ATP9B: variants seen among roughly 807,000 people sequenced by gnomAD.
The protein encoded by ATP9B is probable phospholipid-transporting ATPase IIB.
In ATP9B, 110 loss-of-function variants were observed where a neutral mutation model predicts 146.1. That is an observed-to-expected ratio of 0.75 (90% CI 0.65 to 0.88). The LOEUF (loss-of-function observed/expected upper bound fraction) is 0.88, where lower values mean the gene tolerates loss of function less well. Among genes scored for constraint, ATP9B ranks in the 40% least tolerant of loss-of-function variants. The pLI is 0.00. For synonymous variants in ATP9B, 604 were observed against 569.7 expected (o/e 1.06, Z -0.86); for missense variants, 1,499 against 1,496.4 (o/e 1.00, Z -0.03).
At chr18:79,371,123 C>T (rs1240579188) in intron 26 of ATP9B, among the ~76,000 whole-genome samples, 3 of 152,122 alleles carry the variant, frequency 2.0e-5, no homozygotes, top group African/African-American at 7.2e-5. Context: ...CCTGTAATCC[C>T]AGCACTTTGG....
chr18:79,292,656 G>A (rs114900498), intron 13 of ATP9B, among the ~76,000 whole-genome samples: 1,223 of 120,686 alleles, frequency 0.01, 25 homozygotes, highest in African/African-American at 0.041. Context: ...CTTGCAACTC[G>A]TGATTTCTTC....
At chr18:79,187,622 G>A (rs537417377) in intron 8 of ATP9B, among the ~76,000 whole-genome samples, 6 of 152,290 alleles carry the variant, frequency 3.9e-5, no homozygotes, top group African/African-American at 1.4e-4. Flanking sequence ...TTCCCGTTGA[G>A]TGTCTGATTC....
At chr18:79,175,998 C>T (rs187842326) in intron 7 of ATP9B, among the ~76,000 whole-genome samples, 7 of 152,312 alleles carry the variant, frequency 4.6e-5, no homozygotes, top group African/African-American at 1.2e-4. Flanking sequence ...ATATAATGTC[C>T]TGCACCTTAC....
At chr18:79,289,065 A>C (rs934905516) in intron 13 of ATP9B, among the ~76,000 whole-genome samples, 1 of 151,600 alleles carries the variant, frequency 6.6e-6, no homozygotes, top group East Asian at 1.9e-4. Flanking sequence ...CTTCATTTCA[A>C]CTTTGGTGAA....
At chr18:79,291,196 T>G (rs1362831118) in intron 13 of ATP9B, among the ~76,000 whole-genome samples, 1 of 152,118 alleles carries the variant, frequency 6.6e-6, no homozygotes, top group Non-Finnish European at 1.5e-5. Flanking sequence ...ATCAGAAACC[T>G]TTTGTCAAAA....
chr18:79,270,351 G>A (rs1196773953), intron 12 of ATP9B, among the ~76,000 whole-genome samples: 1 of 151,856 alleles, frequency 6.6e-6, no homozygotes, highest in Non-Finnish European at 1.5e-5. Context: ...GTATATGTTT[G>A]TACTGCTATA....
At chr18:79,370,712 AT>A (rs2097064331) in intron 26 of ATP9B, among the ~76,000 whole-genome samples, 7 of 152,168 alleles carry the variant, frequency 4.6e-5, no homozygotes, top group Admixed American at 2.6e-4. Context: ...ATCTGCTTCA[AT>A]ATGGAACACC....
intron 15 of ATP9B, among the ~76,000 whole-genome samples, chr18:79,311,218 C>T (rs1041263491): frequency 1.3e-5 from 2 of 152,210 alleles, no homozygotes; most frequent in Non-Finnish European, 2.9e-5. Flanking sequence ...TAAAAGGTTA[C>T]ACCCCACAAT....
chr18:79,285,907 T>C (rs2096434598), intron 13 of ATP9B, among the ~76,000 whole-genome samples: 1 of 150,760 alleles, frequency 6.6e-6, no homozygotes, highest in Admixed American at 6.6e-5. Flanking sequence ...TTCTCAGGTT[T>C]GTCAAAGATC....
At chr18:79,083,756 C>T (rs1368016422) in intron 1 of ATP9B, among the ~76,000 whole-genome samples, 1 of 152,112 alleles carries the variant, frequency 6.6e-6, no homozygotes, top group African/African-American at 2.4e-5. Flanking sequence ...CTAACCAGTC[C>T]CAGTGAGATG....
At chr18:79,238,883 C>T (rs117583841) in intron 11 of ATP9B, among the ~76,000 whole-genome samples, 4 of 150,972 alleles carry the variant, frequency 2.6e-5, no homozygotes, top group East Asian at 4.0e-4. Context: ...GTGACGCAGA[C>T]GCACTGCTTA....
intron 15 of ATP9B, among the ~76,000 whole-genome samples, chr18:79,313,587 A>G (rs1342606062): frequency 2.0e-5 from 3 of 152,208 alleles, no homozygotes; most frequent in Admixed American, 2.0e-4. Flanking sequence ...TATTTACCAT[A>G]TTACCTTATT....
At chr18:79,287,760 A>G (rs4799031) in intron 13 of ATP9B, among the ~76,000 whole-genome samples, 65,741 of 151,408 alleles carry the variant, frequency 0.43, 14,550 homozygotes, top group East Asian at 0.66. Context: ...ATTTAGTGCT[A>G]TAGATTTCCC....
At chr18:79,155,759 T>C (rs1371431288) in intron 7 of ATP9B, among the ~76,000 whole-genome samples, 3 of 114,098 alleles carry the variant, frequency 2.6e-5, no homozygotes, top group Non-Finnish European at 5.9e-5. Context: ...CTCTCTTTTT[T>C]TTTTTTTTTT....
At chr18:79,327,408 G>C (rs1012558008) in intron 15 of ATP9B, among the ~76,000 whole-genome samples, 5 of 152,058 alleles carry the variant, frequency 3.3e-5, no homozygotes, top group African/African-American at 1.2e-4. Flanking sequence ...TGCTGCAGTG[G>C]TGTGGGACGT....
intron 12 of ATP9B, among the ~76,000 whole-genome samples, chr18:79,268,877 C>G: frequency 6.6e-6 from 1 of 152,064 alleles, no homozygotes; most frequent in Admixed American, 6.6e-5. Flanking sequence ...AAAATAGTTT[C>G]ATTGGGTATA....
chr18:79,223,687 G>C (rs896406028), intron 11 of ATP9B, among the ~76,000 whole-genome samples: 4 of 152,176 alleles, frequency 2.6e-5, no homozygotes, highest in Non-Finnish European at 1.5e-5. Flanking sequence ...CATTAGCACA[G>C]CCTTCACTTG....
intron 11 of ATP9B, among the ~76,000 whole-genome samples, chr18:79,251,076 CATT>C (rs1372583283): frequency 2.6e-5 from 4 of 152,204 alleles, no homozygotes; most frequent in African/African-American, 9.6e-5. Flanking sequence ...CCAAGTGTCT[CATT>C]AATTGTTACA....
intron 4 of ATP9B, among the ~76,000 whole-genome samples, chr18:79,125,092 G>A (rs2094259487): frequency 6.6e-6 from 1 of 152,204 alleles, no homozygotes; most frequent in South Asian, 2.1e-4. Context: ...AATAGTTTTA[G>A]TCAAGTGGTG....
Sources: gnomAD v4.1 joint callset for allele counts (sites outside exome capture counted in the v4.1 genomes callset) on GRCh38, gnomAD v4.1.1 for gene constraint, MANE v1.5 for transcripts, NCBI Gene and HGNC (gene_info 2026-07-23, HGNC 2026-07-21) for gene names.